The following GALNT13 variants were observed in gnomAD, a reference collection of about 807,000 sequenced individuals.
GALNT13 encodes the protein polypeptide N-acetylgalactosaminyltransferase 13.
A neutral mutation model predicts 64.2 loss-of-function variants in GALNT13; 28 were observed. The observed-to-expected ratio is 0.44, with a 90% confidence interval of 0.32 to 0.60. The LOEUF is 0.60. Among genes scored for constraint, GALNT13 ranks in the 20% least tolerant of loss-of-function variants. The pLI, the probability that GALNT13 is intolerant of heterozygous loss-of-function variation, is 0.05. For synonymous variants in GALNT13, 214 were observed against 224.6 expected (o/e 0.95, Z 0.42); for missense variants, 577 against 669.8 (o/e 0.86, Z 1.53).
the GALNT13 span, among the ~76,000 whole-genome samples, chr2:153,839,360 G>T: frequency 4.0e-5 from 6 of 151,812 alleles, no homozygotes; most frequent in African/African-American, 7.2e-5. Context: ...AAAGTATTCA[G>T]GTTTTCACTG....
At chr2:153,936,959 C>T (rs556408187) in intron 2 of GALNT13, among the ~76,000 whole-genome samples, 15 of 152,178 alleles carry the variant, frequency 9.9e-5, no homozygotes, top group East Asian at 3.9e-4. Flanking sequence ...CCTTGTGTTC[C>T]GCCCACCTTG....
chr2:153,137,334 C>T, the GALNT13 span, among the ~76,000 whole-genome samples: 2 of 151,948 alleles, frequency 1.3e-5, no homozygotes, highest in Admixed American at 6.6e-5. Flanking sequence ...ATGAAAGCGC[C>T]CCAGGAAGGC....
intron 4 of GALNT13, among the ~76,000 whole-genome samples, chr2:154,231,992 AT>A (rs1036780234): frequency 1.3e-5 from 2 of 151,744 alleles, no homozygotes; most frequent in African/African-American, 4.8e-5. Context: ...TGAGGTAGAT[AT>A]TATTATTCCC....
chr2:154,057,617 G>T (rs1699961297), intron 3 of GALNT13, among the ~76,000 whole-genome samples: 1 of 152,188 alleles, frequency 6.6e-6, no homozygotes, highest in African/African-American at 2.4e-5. Flanking sequence ...AGAGAAGTAG[G>T]ATCACATAAT....
chr2:153,243,769 T>A, the GALNT13 span, among the ~76,000 whole-genome samples: 1 of 152,308 alleles, frequency 6.6e-6, no homozygotes, highest in East Asian at 1.9e-4. Flanking sequence ...TTGAAGGGGA[T>A]TATTTCATTT....
chr2:153,930,269 G>A (rs941128742), intron 2 of GALNT13, among the ~76,000 whole-genome samples: 6 of 152,050 alleles, frequency 3.9e-5, no homozygotes, highest in South Asian at 4.2e-4. Flanking sequence ...TTGCAGATAC[G>A]TTCTTCCTTT....
chr2:154,098,793 A>AT (rs1357257422), intron 3 of GALNT13, among the ~76,000 whole-genome samples: 1 of 152,062 alleles, frequency 6.6e-6, no homozygotes. Context: ...TGGGGTATAT[A>AT]TACCACATTT....
intron 9 of GALNT13, among the ~76,000 whole-genome samples, chr2:154,380,082 A>C (rs1370555496): frequency 1.3e-5 from 2 of 152,092 alleles, no homozygotes; most frequent in Non-Finnish European, 2.9e-5. Flanking sequence ...AAATACTTTA[A>C]AGTTTTTATA....
At chr2:154,306,746 G>T (rs187186318) in intron 9 of GALNT13, among the ~76,000 whole-genome samples, 62 of 151,970 alleles carry the variant, frequency 4.1e-4, no homozygotes, top group African/African-American at 1.4e-3. Flanking sequence ...CAGATTACCC[G>T]TCTGAGTGGT....
chr2:154,432,559 G>T (rs1285958537), intron 11 of GALNT13, among the ~76,000 whole-genome samples: 1 of 152,170 alleles, frequency 6.6e-6, no homozygotes, highest in African/African-American at 2.4e-5. Flanking sequence ...CTGGAGGCTA[G>T]AAGTCTGAAA....
chr2:154,204,580 T>A (rs1687340556), intron 4 of GALNT13, among the ~76,000 whole-genome samples: 1 of 152,200 alleles, frequency 6.6e-6, no homozygotes, highest in Non-Finnish European at 1.5e-5. Context: ...TTCCACAGAG[T>A]TGCCAAAGTT....
At chr2:153,301,932 TTATC>T in the GALNT13 span, among the ~76,000 whole-genome samples, 11 of 151,658 alleles carry the variant, frequency 7.3e-5, no homozygotes, top group Non-Finnish European at 1.3e-4. Flanking sequence ...CACATTTTCT[TTATC>T]TATTCCTTTG....
chr2:153,507,139 T>C, the GALNT13 span, among the ~76,000 whole-genome samples: 1 of 152,104 alleles, frequency 6.6e-6, no homozygotes, highest in Non-Finnish European at 1.5e-5. Flanking sequence ...TTAGATTCTA[T>C]TGCTGAGACT....
At chr2:154,011,855 T>C (rs1468746835) in intron 3 of GALNT13, among the ~76,000 whole-genome samples, 1 of 152,200 alleles carries the variant, frequency 6.6e-6, no homozygotes, top group Non-Finnish European at 1.5e-5. Flanking sequence ...GGTCTAATGT[T>C]TGTTTTGTCT....
At chr2:154,298,614 T>C (rs780103972) in intron 8 of GALNT13, among the ~76,000 whole-genome samples, 2 of 58,388 alleles carry the variant, frequency 3.4e-5, no homozygotes, top group East Asian at 5.9e-4. Flanking sequence ...TATATTAATT[T>C]ATATATACAT....
chr2:154,117,026 T>C (rs890489398), intron 3 of GALNT13, among the ~76,000 whole-genome samples: 1 of 152,194 alleles, frequency 6.6e-6, no homozygotes, highest in African/African-American at 2.4e-5. Flanking sequence ...CAGAGTCCGA[T>C]GTTCAAGGGC....
intron 3 of GALNT13, among the ~76,000 whole-genome samples, chr2:154,137,782 A>G (rs1683038067): frequency 6.6e-6 from 1 of 152,046 alleles, no homozygotes; most frequent in South Asian, 2.1e-4. Flanking sequence ...CTTTCTCTGC[A>G]GCATGTCTTT....
At chr2:153,112,027 A>C in the GALNT13 span, among the ~76,000 whole-genome samples, 93,666 of 151,714 alleles carry the variant, frequency 0.62, 29,474 homozygotes, top group Admixed American at 0.7. Context: ...AACCCCTACC[A>C]CCTATCACCA....
At chr2:153,546,721 G>A in the GALNT13 span, among the ~76,000 whole-genome samples, 1 of 152,256 alleles carries the variant, frequency 6.6e-6, no homozygotes, top group East Asian at 1.9e-4. Context: ...AAATCTGTGT[G>A]TATATTGCCT....
Sources: gnomAD v4.1 joint callset for allele counts (sites outside exome capture counted in the v4.1 genomes callset) on GRCh38, gnomAD v4.1.1 for gene constraint, MANE v1.5 for transcripts, NCBI Gene and HGNC (gene_info 2026-07-23, HGNC 2026-07-21) for gene names.